Variants in NRCAM observed in about 807,000 individuals in gnomAD.
NRCAM encodes NgCAM-related cell adhesion molecule.
NRCAM carries 83 observed loss-of-function variants against 156.5 expected under a neutral mutation model. The observed-to-expected ratio is 0.53, with a 90% CI of 0.44 to 0.64. The LOEUF is 0.64. Among genes scored for constraint, NRCAM ranks in the 30% least tolerant of loss-of-function variants. NRCAM has a pLI of 0.00. For missense variants in NRCAM, 1,417 were observed against 1,597.3 expected (o/e 0.89, Z 1.92); for synonymous variants, 538 against 563.9 (o/e 0.95, Z 0.65).
intron 1 of NRCAM, among the ~76,000 whole-genome samples, chr7:108,420,188 C>T (rs1807522584): frequency 6.6e-6 from 1 of 152,028 alleles, no homozygotes; most frequent in Non-Finnish European, 1.5e-5. Flanking sequence ...TTGGTCTTAT[C>T]TTTGTCTGGC....
chr7:108,319,212 T>C (rs555230671), intron 2 of NRCAM, among the ~76,000 whole-genome samples: 1 of 152,336 alleles, frequency 6.6e-6, no homozygotes, highest in South Asian at 2.1e-4. Context: ...TGTAAGTTAA[T>C]AGACATGATA....
chr7:108,285,046 G>A lies in NRCAM; in HGVS notation c.-107+27619C>T, dbSNP rs1368674729. Among the ~76,000 whole-genome samples the A allele has an allele frequency of 5.3e-5, 8 of 152,206 alleles. No homozygotes were observed. In the East Asian group the frequency reaches 1.2e-3, roughly 22 times the overall value. ...GAGGAGAGGAATTAGATGCTATTACGAAAAGTCAGGAGCACCAATGCAATT... is the reference window on the plus strand; with the variant it reads ...GAGGAGAGGAATTAGATGCTATTACAAAAAGTCAGGAGCACCAATGCAATT... On this transcript the variant is annotated intron_variant, in intron 3 of 32. Coordinates refer to ENST00000379028, the MANE Select transcript of NRCAM (RefSeq NM_001037132.4).
At chr7:108,375,076 T>A (rs554124622) in intron 2 of NRCAM, among the ~76,000 whole-genome samples, 207 of 152,232 alleles carry the variant, frequency 1.4e-3, no homozygotes, top group African/African-American at 4.8e-3. Context: ...CCAGACTGTC[T>A]GTCTCAGTAA....
In NRCAM at chr7:108,387,647, G is replaced by A. The variant is rs544700556; in HGVS notation, c.-174+11789C>T. Reference sequence around the variant, plus strand: ...TGTTACATATGTATACATGTGCCATGTTGATGTGCTGCACCCATTAACTCG... The same window carrying A: ...TGTTACATATGTATACATGTGCCATATTGATGTGCTGCACCCATTAACTCG... On this transcript the variant is annotated intron_variant, in intron 2 of 32. Coordinates refer to ENST00000379028, the MANE Select transcript of NRCAM (RefSeq NM_001037132.4). 1.0e-3 allele frequency among the ~76,000 whole-genome samples: 155 copies of A among 152,196 alleles called. 1 individual carries two copies. The highest frequency in any genetic ancestry group is 3.5e-3 in the African/African-American group (147 of 41,516).
intron 2 of NRCAM, among the ~76,000 whole-genome samples, chr7:108,379,869 A>G (rs1278850618): frequency 6.6e-6 from 1 of 152,202 alleles, no homozygotes; most frequent in Non-Finnish European, 1.5e-5. Flanking sequence ...AAGAGAAGTC[A>G]TAAAAAAAAT....
chr7:108,386,182 C>T (rs1436954370), intron 2 of NRCAM, among the ~76,000 whole-genome samples: 2 of 152,138 alleles, frequency 1.3e-5, no homozygotes, highest in Non-Finnish European at 1.5e-5. Context: ...AGCTCCAGAG[C>T]CAGGCATTTT....
chr7:108,305,146 C>T (rs2098695980), intron 3 of NRCAM, among the ~76,000 whole-genome samples: 1 of 152,060 alleles, frequency 6.6e-6, no homozygotes, highest in African/African-American at 2.4e-5. Flanking sequence ...TTTATTTTTC[C>T]TACTCCTCTA....
rs758204410 is a variant in NRCAM, at chr7:108,209,545, A to G, written c.951T>C (p.Val317=). The G allele has an allele frequency of 2.5e-6, 4 of 1,612,848 alleles. No homozygotes were observed. The highest frequency in any genetic ancestry group is 1.7e-6 in the Non-Finnish European group (2 of 1,179,542). The part of the protein sequence containing the change: ...EDGMLPKNRT[V]YKNFEKTLQI... Reference sequence around the variant, plus strand: ...GCAAGGTTTTCTCAAAGTTCTTATAAACTGTCCTGTTTTTGGGTAGCATTC... The same window carrying G: ...GCAAGGTTTTCTCAAAGTTCTTATAGACTGTCCTGTTTTTGGGTAGCATTC... Residue 317 remains valine, a synonymous_variant, in exon 12 of 33, where the codon GTT becomes GTC. Coordinates refer to ENST00000379028, the MANE Select transcript of NRCAM (RefSeq NM_001037132.4).
chr7:108,220,073 T>C (rs549181322), intron 11 of NRCAM, among the ~76,000 whole-genome samples: 2 of 147,464 alleles, frequency 1.4e-5, no homozygotes, highest in Non-Finnish European at 3.0e-5. Flanking sequence ...AAGTAGAGAG[T>C]CAAATCAAGA....
At chr7:108,177,687 A>G (rs1486393372) in intron 26 of NRCAM, among the ~76,000 whole-genome samples, 4 of 19,460 alleles carry the variant, frequency 2.1e-4, no homozygotes, top group African/African-American at 3.2e-4. Context: ...ATATACGTGT[A>G]TATATATATA....
At chr7:108,418,519 T>G (rs771998022) in intron 1 of NRCAM, among the ~76,000 whole-genome samples, 47 of 151,140 alleles carry the variant, frequency 3.1e-4, no homozygotes, top group Admixed American at 1.3e-4. Flanking sequence ...GACCACACAC[T>G]GGCTGGGAAG....
At chr7:108,406,650 A>C (rs1427439501) in intron 1 of NRCAM, among the ~76,000 whole-genome samples, 1 of 152,250 alleles carries the variant, frequency 6.6e-6, no homozygotes, top group African/African-American at 2.4e-5. Flanking sequence ...AGCTGGAGTC[A>C]GTCAAAATGA....
At chr7:108,234,467 A>C in intron 6 of NRCAM, 116 bp downstream of exon 6, 1 of 667,642 alleles carries the variant, frequency 1.5e-6, no homozygotes, top group Non-Finnish European at 2.6e-6. Context: ...CAACTGAAAA[A>C]GGAAGTGCTC....
chr7:108,175,693 C>G (rs1247233593), intron 27 of NRCAM, among the ~76,000 whole-genome samples: 1 of 152,038 alleles, frequency 6.6e-6, no homozygotes, highest in Admixed American at 6.6e-5. Context: ...TTTATGCTAT[C>G]AAAGATAGTC....
chr7:108,406,273 T>C (rs2099807312), intron 1 of NRCAM, among the ~76,000 whole-genome samples: 1 of 151,980 alleles, frequency 6.6e-6, no homozygotes, highest in African/African-American at 2.4e-5. Context: ...AGATGAGAAG[T>C]GATTTTAGGC....
chr7:108,328,776 T>C (rs949890325), intron 2 of NRCAM: 2 of 152,218 alleles, frequency 1.3e-5, no homozygotes. Flanking sequence ...AGAAAGTAAC[T>C]GCCATATTTT....
intron 3 of NRCAM, among the ~76,000 whole-genome samples, chr7:108,292,716 G>A (rs2098338289): frequency 6.6e-6 from 1 of 152,008 alleles, no homozygotes; most frequent in Non-Finnish European, 1.5e-5. Flanking sequence ...GTAAAAATGG[G>A]GATCACGGCT....
intron 3 of NRCAM, among the ~76,000 whole-genome samples, chr7:108,267,509 C>T (rs546783912): frequency 6.6e-5 from 10 of 152,136 alleles, no homozygotes; most frequent in East Asian, 1.9e-4. Context: ...TACACGTGTC[C>T]GTATAAAGGT....
chr7:108,388,961 G>C (rs1186948556), intron 2 of NRCAM, among the ~76,000 whole-genome samples: 1 of 152,138 alleles, frequency 6.6e-6, no homozygotes, highest in Non-Finnish European at 1.5e-5. Context: ...GGTTACTGTA[G>C]CCTTGTAGTA....
Sources: allele counts gnomAD v4.1 joint callset (sites outside exome capture counted in the v4.1 genomes callset), GRCh38; gene constraint gnomAD v4.1.1; transcripts MANE v1.5; gene names NCBI Gene and HGNC (gene_info 2026-07-23, HGNC 2026-07-21).